The following TRRAP variants were observed in gnomAD, a reference collection of about 807,000 sequenced individuals.
TRRAP encodes transformation/transcription domain-associated protein.
In TRRAP, 41 loss-of-function variants were observed where a neutral mutation model predicts 438.8. That is an observed-to-expected ratio of 0.09 (90% CI 0.07 to 0.12). The LOEUF (loss-of-function observed/expected upper bound fraction) is 0.12. TRRAP is among the 10% of genes least tolerant of loss of function. TRRAP has a pLI of 1.00. For missense variants in TRRAP, 3,122 were observed against 5,055.1 expected (o/e 0.62, Z 11.60); for synonymous variants, 1,994 against 1,962.9 (o/e 1.02, Z -0.42).
chr7:98,958,139 TACTG>T lies in TRRAP; in HGVS notation c.6342+52_6342+55del, dbSNP rs782308601. ...GTTAGGGCTTCTGCAGACCAGAGGC[TACTG>T]ACTAACACCCCAGGAGGTTATCTGT... On this transcript the variant is annotated intron_variant, in intron 44 of 72. Transcript: ENST00000456197. The T allele has an allele frequency of 1.2e-5, 19 of 1,527,762 alleles. No individual in the cohort carries two copies. The East Asian group carries it at 2.1e-4, about 17-fold the overall frequency. The allele number at this position is 1,527,762 out of a possible 1,614,324, so 94.6% of individuals were successfully genotyped here.
At chr7:98,993,906 C>G (rs540099761) in intron 66 of TRRAP, among the ~76,000 whole-genome samples, 169 bp downstream of exon 66, 1 of 152,166 alleles carries the variant, frequency 6.6e-6, no homozygotes, top group Non-Finnish European at 1.5e-5. Context: ...ACTAGTACAG[C>G]CTTAAAGATT....
Position 98,953,187 on chromosome 7 carries a change from G to A in TRRAP, c.5484G>A (p.Gln1828=), listed in dbSNP as rs1554418638. 1.2e-6 allele frequency: 2 copies of A among 1,612,944 alleles called. No homozygotes were observed. The highest frequency in any genetic ancestry group is 1.7e-5 in the Admixed American group (1 of 59,996). Residue 1828 remains glutamine (Q), a synonymous_variant, in exon 40 of 73, where the codon CAG becomes CAA. Transcript: ENST00000456197. Reference sequence around the variant, plus strand: ...CACAGGTCCTGGACCCCGAGAAGCAGGCGGACATGCTGGACTCGCTGCGGA... The same window carrying A: ...CACAGGTCCTGGACCCCGAGAAGCAAGCGGACATGCTGGACTCGCTGCGGA... ...FITKVLDPEK[Q]ADMLDSLRIY... is the part of the protein sequence containing the mutation.
chr7:98,921,182 T>C (rs927977260), intron 20 of TRRAP, among the ~76,000 whole-genome samples: 5 of 152,220 alleles, frequency 3.3e-5, no homozygotes, highest in Admixed American at 2.6e-4. Flanking sequence ...GCAGCACTTA[T>C]AATATGCTGC....
chr7:98,949,951 G>C (rs1248879784), intron 37 of TRRAP, 110 bp downstream of exon 37: 3 of 1,569,182 alleles, frequency 1.9e-6, no homozygotes, highest in African/African-American at 2.7e-5. Flanking sequence ...CGTGCAGTCA[G>C]ATTGGTTGTG....
At chr7:98,957,004 T>C (rs757866) in intron 43 of TRRAP, among the ~76,000 whole-genome samples, 2,709 of 152,204 alleles carry the variant, frequency 0.018, 84 homozygotes, top group African/African-American at 0.061. Context: ...CTGGCCACCC[T>C]ACTTCTGGCT....
chr7:98,992,585 GTGTT>G (rs962021518), intron 65 of TRRAP, among the ~76,000 whole-genome samples: 11 of 151,472 alleles, frequency 7.3e-5, no homozygotes, highest in African/African-American at 2.0e-4. Context: ...GTGTGTGTGT[GTGTT>G]TAAGTTATGA....
At chr7:98,914,399 A>C (rs1789423209) in intron 18 of TRRAP, among the ~76,000 whole-genome samples, 1 of 152,138 alleles carries the variant, frequency 6.6e-6, no homozygotes, top group South Asian at 2.1e-4. Context: ...CAGAAGGGAA[A>C]ATACTTATTT....
chr7:98,999,584 C>T, intron 67 of TRRAP: 1 of 757,898 alleles, frequency 1.3e-6, no homozygotes, highest in Non-Finnish European at 2.3e-6. Flanking sequence ...CCACTGTGTT[C>T]TTCCCATAGG....
intron 63 of TRRAP, among the ~76,000 whole-genome samples, 184 bp from the exon 64 acceptor site, chr7:98,990,271 T>C (rs574436764): frequency 5.9e-5 from 9 of 152,322 alleles, no homozygotes; most frequent in Admixed American, 5.2e-4. Context: ...TATTTTTAAA[T>C]TTTAGGTTTT....
chr7:99,005,228 A>G lies in TRRAP; in HGVS notation c.10633A>G (p.Met3545Val), dbSNP rs1428510581. The change falls in exon 69 of 73, where the codon ATG (methionine) becomes GTG (valine). Residue 3545 changes from methionine to valine, a missense_variant. Met to Val is a conservative substitution (Grantham distance 21). Around this residue, in one of 24 missense-constraint regions of TRRAP, gnomAD observed 95 missense variants for 144.1 expected, o/e 0.66. Transcript: ENST00000456197. This position sits in a 1 kb window ranked among gnomAD's most constrained non-coding sequence, Gnocchi z 5.1. ...TGGCAAGATCTACCCATACCTCGTC[A>G]TGAACGACGCCTGCCTCACAGAGTC... is the stretch of plus-strand genomic sequence containing the variant. ...HNGKIYPYLV[M>V]NDACLTESRR... 6.2e-7 allele frequency: 1 copy of G among 1,614,202 alleles called. No individual in the cohort carries two copies. The highest frequency in any genetic ancestry group is 2.2e-5 in the East Asian group (1 of 44,884).
intron 67 of TRRAP, chr7:98,999,319 C>A: frequency 7.3e-7 from 1 of 1,371,022 alleles, no homozygotes; most frequent in South Asian, 1.2e-5. Context: ...TAAGCTTGAT[C>A]AAAGTCCAAG....
intron 30 of TRRAP, among the ~76,000 whole-genome samples, chr7:98,938,276 T>G (rs540528154): frequency 3.1e-4 from 47 of 152,262 alleles, no homozygotes; most frequent in African/African-American, 1.1e-3. Context: ...GAGGCAAAGG[T>G]TGCAGTGAGC....
At chr7:98,964,885 C>CTGT (rs1222660820) in intron 48 of TRRAP, 110 bp downstream of exon 48, 1 of 1,334,832 alleles carries the variant, frequency 7.5e-7, no homozygotes, top group Non-Finnish European at 9.9e-7. Flanking sequence ...TCACCAAGTC[C>CTGT]TGTTGTTTGG....
At chr7:98,934,075 GT>G (rs1315326386) in intron 27 of TRRAP, among the ~76,000 whole-genome samples, 3 of 152,160 alleles carry the variant, frequency 2.0e-5, no homozygotes, top group Non-Finnish European at 4.4e-5. Flanking sequence ...CATCTTATGA[GT>G]ATTTGTCACT....
chr7:98,933,785 A>T (rs1790433186), intron 27 of TRRAP, among the ~76,000 whole-genome samples: 1 of 152,220 alleles, frequency 6.6e-6, no homozygotes, highest in African/African-American at 2.4e-5. Context: ...GAAATGTGCC[A>T]TGTGCTGTTG....
At chr7:98,952,245 T>C (rs549588480) in intron 39 of TRRAP, among the ~76,000 whole-genome samples, 3 of 152,356 alleles carry the variant, frequency 2.0e-5, no homozygotes, top group African/African-American at 7.2e-5. Context: ...GGCACATTTT[T>C]TTCTTATGTC....
chr7:98,987,431 C>T (rs1793201163), intron 62 of TRRAP, among the ~76,000 whole-genome samples: 1 of 152,166 alleles, frequency 6.6e-6, no homozygotes, highest in Non-Finnish European at 1.5e-5. Flanking sequence ...AAGTCTTGCA[C>T]TTATGTTAAA....
chr7:98,994,971 ACT>A lies in TRRAP; in HGVS notation c.10309+126_10309+127del, dbSNP rs1215149651. On this transcript the variant is annotated intron_variant, in intron 67 of 72. Transcript: ENST00000456197. This position sits in a 1 kb window ranked among gnomAD's most constrained non-coding sequence, Gnocchi z 4.8. ...TCACTGCACGGGGCACACTGGTTACACTCTGTTTACAGTGCAGACTTCAGAGT... is the reference window on the plus strand; with the variant it reads ...TCACTGCACGGGGCACACTGGTTACACTGTTTACAGTGCAGACTTCAGAGT... 8.7e-6 allele frequency: 12 copies of A among 1,376,414 alleles called. No individual in the cohort carries two copies. The highest frequency in any genetic ancestry group is 1.2e-5 in the Non-Finnish European group (12 of 1,015,770). The allele number at this position is 1,376,414 out of a possible 1,614,324, so 85.3% of individuals were successfully genotyped here.
At chr7:98,907,114 G>A (rs1013640665) in intron 13 of TRRAP, among the ~76,000 whole-genome samples, 5 of 151,650 alleles carry the variant, frequency 3.3e-5, no homozygotes, top group African/African-American at 4.8e-5. Flanking sequence ...ACCTGAGGTC[G>A]GGAGTTTGAG....
Sources: allele counts gnomAD v4.1 joint callset (sites outside exome capture counted in the v4.1 genomes callset), GRCh38; gene constraint gnomAD v4.1.1; regional missense constraint gnomAD v4.1.1; non-coding constraint Gnocchi (gnomAD v3.1); transcripts MANE v1.5; gene names NCBI Gene and HGNC (gene_info 2026-07-23, HGNC 2026-07-21).